PRKD1: variants seen among roughly 807,000 people sequenced by gnomAD.
The protein encoded by PRKD1 is protein kinase D1, also known as serine/threonine-protein kinase D1.
In PRKD1, 63 loss-of-function variants were observed where a neutral mutation model predicts 95.9. That is an observed-to-expected ratio of 0.66 (90% CI 0.54 to 0.81). The LOEUF (loss-of-function observed/expected upper bound fraction) is 0.81. Among genes scored for constraint, PRKD1 ranks in the 30% least tolerant of loss-of-function variants. The pLI is 0.00. For missense variants in PRKD1, 1,048 were observed against 1,165.3 expected, an observed-to-expected ratio of 0.90 and a Z score of 1.47; for synonymous variants, 425 against 423.1, an observed-to-expected ratio of 1.00 and a Z score of -0.05.
At chr14:29,805,087 G>A (rs1020534878) in intron 1 of PRKD1, among the ~76,000 whole-genome samples, 1 of 152,140 alleles carries the variant, frequency 6.6e-6, no homozygotes, top group African/African-American at 2.4e-5. Flanking sequence ...AGAATAACAT[G>A]GATATCTTGT....
chr14:29,870,990 C>T (rs569262858), intron 1 of PRKD1, among the ~76,000 whole-genome samples: 8 of 152,322 alleles, frequency 5.3e-5, no homozygotes, highest in African/African-American at 1.9e-4. Context: ...TCTACCTTTG[C>T]TATTTCACAA....
At chr14:29,778,352 GT>G in intron 1 of PRKD1, among the ~76,000 whole-genome samples, 1 of 152,132 alleles carries the variant, frequency 6.6e-6, no homozygotes, top group South Asian at 2.1e-4. Flanking sequence ...CCAGGAGCTG[GT>G]TTTTTGAAAA....
At chr14:29,724,526 A>T (rs1291102130) in intron 2 of PRKD1, among the ~76,000 whole-genome samples, 6 of 152,208 alleles carry the variant, frequency 3.9e-5, no homozygotes, top group Non-Finnish European at 8.8e-5. Context: ...AAGTTGTGGC[A>T]ATCCCAGGAT....
At chr14:29,841,990 G>A (rs1891870278) in intron 1 of PRKD1, among the ~76,000 whole-genome samples, 1 of 151,820 alleles carries the variant, frequency 6.6e-6, no homozygotes, top group Admixed American at 6.6e-5. Context: ...AGGCACAAAT[G>A]CACATATTAG....
At chr14:29,862,836 TC>T (rs1258496705) in intron 1 of PRKD1, among the ~76,000 whole-genome samples, 1 of 152,184 alleles carries the variant, frequency 6.6e-6, no homozygotes, top group Non-Finnish European at 1.5e-5. Flanking sequence ...CTTTATTTTT[TC>T]CTTTGCTGTG....
At position 29,609,710 on chromosome 14, in the gene PRKD1, C is replaced by CTTTCTTT. The variant is rs1408663734; in HGVS notation, c.1906-9894_1906-9893insAAAGAAA. ...CAAGCACCACCACGCCCAGCTATTT[C>CTTTCTTT]TTTATTTTTTTTTTTTTTTTGTACT... On this transcript the variant is annotated intron_variant, in intron 13 of 17. Transcript: ENST00000331968. Among the ~76,000 whole-genome samples the CTTTCTTT allele has an allele frequency of 1.8e-4, 4 of 21,736 alleles. 1 individual carries two copies. The highest frequency in any genetic ancestry group is 5.3e-4 in the Non-Finnish European group (4 of 7,480). 14.3% of individuals were successfully genotyped at this position (21,736 alleles called of 152,430 possible).
chr14:29,717,505 T>G (rs1885671921), intron 2 of PRKD1, among the ~76,000 whole-genome samples: 1 of 151,998 alleles, frequency 6.6e-6, no homozygotes, highest in African/African-American at 2.4e-5. Flanking sequence ...TGACTGAAAA[T>G]CAACTACTTA....
At chr14:29,806,555 T>C (rs902419181) in intron 1 of PRKD1, among the ~76,000 whole-genome samples, 14 of 152,104 alleles carry the variant, frequency 9.2e-5, no homozygotes, top group African/African-American at 2.7e-4. Context: ...GGCAGAACAA[T>C]AAATAAAGTA....
chr14:29,735,466 G>C (rs890532026), intron 1 of PRKD1, among the ~76,000 whole-genome samples: 5 of 152,166 alleles, frequency 3.3e-5, no homozygotes, highest in African/African-American at 1.2e-4. Flanking sequence ...GTAAAGAGTA[G>C]AGAAAAAATT....
At chr14:29,772,203 A>G (rs1375820477) in intron 1 of PRKD1, among the ~76,000 whole-genome samples, 1 of 152,194 alleles carries the variant, frequency 6.6e-6, no homozygotes, top group Non-Finnish European at 1.5e-5. Flanking sequence ...GAGGTGGCAT[A>G]CTATGGTCTC....
chr14:29,917,857 A>C (rs1408676981), intron 1 of PRKD1, among the ~76,000 whole-genome samples: 2 of 152,208 alleles, frequency 1.3e-5, no homozygotes, highest in Non-Finnish European at 2.9e-5. Flanking sequence ...CTGATGAAAA[A>C]AATGTGCTAT....
intron 1 of PRKD1, among the ~76,000 whole-genome samples, chr14:29,783,080 C>T (rs545372133): frequency 1.6e-4 from 25 of 152,272 alleles, no homozygotes; most frequent in African/African-American, 5.1e-4. Context: ...TCCTACTGTG[C>T]TACTGAACAC....
chr14:29,896,425 C>T (rs919340243), intron 1 of PRKD1, among the ~76,000 whole-genome samples: 2 of 151,846 alleles, frequency 1.3e-5, no homozygotes, highest in Non-Finnish European at 2.9e-5. Context: ...GTTTATTTTT[C>T]CTTTGAACAG....
chr14:29,685,676 T>A (rs76753413), intron 2 of PRKD1, among the ~76,000 whole-genome samples: 4,278 of 152,266 alleles, frequency 0.028, 67 homozygotes, highest in African/African-American at 0.036. Context: ...TTTAATATTT[T>A]AGAAAGATGA....
chr14:29,673,110 C>T (rs907778648), intron 2 of PRKD1, among the ~76,000 whole-genome samples: 3 of 152,184 alleles, frequency 2.0e-5, no homozygotes, highest in East Asian at 1.9e-4. Context: ...GCAGCAACGC[C>T]TCCTGCCAGG....
At chr14:29,712,334 T>G (rs1230833315) in intron 2 of PRKD1, among the ~76,000 whole-genome samples, 1 of 151,940 alleles carries the variant, frequency 6.6e-6, no homozygotes, top group Non-Finnish European at 1.5e-5. Context: ...CATGATCAGT[T>G]TTTCTCTGGA....
At chr14:29,886,519 T>A (rs553740914) in intron 1 of PRKD1, among the ~76,000 whole-genome samples, 1 of 152,344 alleles carries the variant, frequency 6.6e-6, no homozygotes, top group South Asian at 2.1e-4. Context: ...ATGCCTTTTA[T>A]GACATAATCT....
chr14:29,646,178 C>T (rs963200870), intron 4 of PRKD1, among the ~76,000 whole-genome samples: 6 of 152,074 alleles, frequency 3.9e-5, no homozygotes, highest in Admixed American at 2.0e-4. Context: ...TTTGCATAGA[C>T]GCCAAGGTGA....
intron 1 of PRKD1, among the ~76,000 whole-genome samples, chr14:29,919,596 T>C (rs930013531): frequency 6.6e-6 from 1 of 152,226 alleles, no homozygotes; most frequent in Non-Finnish European, 1.5e-5. Flanking sequence ...CATATTCTTA[T>C]AGATTAAAAA....
Sources: gnomAD v4.1 joint callset for allele counts (sites outside exome capture counted in the v4.1 genomes callset) on GRCh38, gnomAD v4.1.1 for gene constraint, MANE v1.5 for transcripts, NCBI Gene and HGNC (gene_info 2026-07-23, HGNC 2026-07-21) for gene names.